The following BLM variants were observed in gnomAD, a reference collection of about 807,000 sequenced individuals.
BLM encodes recQ-like DNA helicase BLM.
Under a neutral mutation model 135.3 loss-of-function variants are expected in BLM, and 95 were observed. The observed-to-expected ratio is 0.70, with a 90% CI of 0.59 to 0.83. The LOEUF (loss-of-function observed/expected upper bound fraction) is 0.83, where lower values mean the gene tolerates loss of function less well. BLM is among the 40% of genes least tolerant of loss of function. The pLI is 0.00. For missense variants in BLM, 1,518 were observed against 1,663.9 expected (o/e 0.91, Z 1.53); for synonymous variants, 520 against 589.2 (o/e 0.88, Z 1.70).
At chr15:90,780,976 A>G (rs981564848) in intron 12 of BLM, among the ~76,000 whole-genome samples, 2 of 152,256 alleles carry the variant, frequency 1.3e-5, no homozygotes, top group Non-Finnish European at 2.9e-5. Context: ...CCTAGAACCA[A>G]TCCCCCATGG....
intron 4 of BLM, 139 bp from the exon 5 acceptor site, chr15:90,754,672 G>A (rs1162539853): frequency 2.3e-5 from 23 of 990,450 alleles, no homozygotes; most frequent in African/African-American, 6.6e-5. Flanking sequence ...TTTTATAATT[G>A]AGGAAATTTA....
Position 90,797,841 on chromosome 15 carries a change from C to T in BLM, c.3211-349C>T, listed in dbSNP as rs1372570418. Reference sequence around the variant, plus strand: ...GGTTAGAATCCGTGGATTTACGTGGCACCCCACAGGTTCCCACCCAGTATG... The same window carrying T: ...GGTTAGAATCCGTGGATTTACGTGGTACCCCACAGGTTCCCACCCAGTATG... On this transcript the variant is annotated intron_variant, in intron 16 of 21. Coordinates refer to ENST00000355112, the MANE Select transcript of BLM (RefSeq NM_000057.4). Among the ~76,000 whole-genome samples, 7 of 152,188 alleles carry T rather than the reference C, an allele frequency of 4.6e-5. No homozygotes were observed. The East Asian group carries it at 9.6e-4, about 21-fold the overall frequency.
chr15:90,805,174 A>G (rs1286932203), intron 19 of BLM, among the ~76,000 whole-genome samples: 1 of 151,880 alleles, frequency 6.6e-6, no homozygotes, highest in Non-Finnish European at 1.5e-5. Context: ...TCTGAAGACC[A>G]TTGAATATTA....
rs1895162816 is a variant in BLM at position 90,734,700 on chromosome 15, G to GC, written c.-4-12689_-4-12688insC. On this transcript the variant is annotated intron_variant, in intron 1 of 21. Coordinates refer to ENST00000355112, the MANE Select transcript of BLM (RefSeq NM_000057.4). ...GCACACACACACACACACACGCAGA[G>GC]AGAGAGAGAGAGAGAGAGAGAGAGA... Among the ~76,000 whole-genome samples, 3 of 56,888 alleles carry GC rather than the reference G, an allele frequency of 5.3e-5. No homozygotes were observed. The African/African-American group carries it at 5.8e-4, about 11-fold the overall frequency. The allele number at this position is 56,888 out of a possible 152,430, so 37.3% of individuals were successfully genotyped here.
At chr15:90,744,636 C>T (rs1321806591) in intron 1 of BLM, among the ~76,000 whole-genome samples, 1 of 152,088 alleles carries the variant, frequency 6.6e-6, no homozygotes, top group South Asian at 2.1e-4. Flanking sequence ...TTCCAAAGTG[C>T]TGGGATTACA....
At chr15:90,759,425 AAAG>A (rs1315630756) in intron 5 of BLM, among the ~76,000 whole-genome samples, 57 of 151,632 alleles carry the variant, frequency 3.8e-4, no homozygotes, top group Admixed American at 2.3e-3. Flanking sequence ...AAAAAAAAAA[AAAG>A]AAGAAGATGT....
At chr15:90,790,918 G>T in intron 15 of BLM, 74 bp downstream of exon 15, 1 of 1,412,102 alleles carries the variant, frequency 7.1e-7, no homozygotes, top group Non-Finnish European at 1.0e-6. Flanking sequence ...TGCTATTGTG[G>T]TACTTCTGGT....
Position 90,766,960 on chromosome 15 carries a change from T to C in BLM, c.2244T>C (p.Asn748=), listed in dbSNP as rs1223636319. 3.7e-6 allele frequency: 6 copies of C among 1,606,454 alleles called. No homozygotes were observed. In the African/African-American group the frequency reaches 6.7e-5, roughly 18 times the overall value. The change falls in exon 10 of 22, where the codon AAT becomes AAC. Residue 748 remains asparagine (N), a synonymous_variant. Coordinates refer to ENST00000355112, the MANE Select transcript of BLM (RefSeq NM_000057.4). ...TGDKTDSEAT[N]IYLQLSKKDP... is the part of the protein sequence containing the mutation. ...ATAAGACTGACTCAGAAGCTACAAA[T>C]ATTTACCTCCAGTTATCAAAAAAAG...
Position 90,749,466 on chromosome 15 carries a change from T to C in BLM, c.198T>C (p.Asn66=), listed in dbSNP as rs1410899563. ...KTPVLRNKDV[N]VTEDFSFSEP... ...CTGTATTAAGAAATAAAGATGTTAA[T>C]GTTACCGAAGACTTTTCCTTCAGTG... The change falls in exon 3 of 22, where the codon AAT becomes AAC. Residue 66 remains asparagine (N), a synonymous_variant. Coordinates refer to ENST00000355112, the MANE Select transcript of BLM (RefSeq NM_000057.4). 1 of 1,613,048 alleles carries C rather than the reference T, an allele frequency of 6.2e-7. No homozygotes were observed. The highest frequency in any genetic ancestry group is 1.3e-5 in the African/African-American group (1 of 75,050).
chr15:90,755,635 T>A (rs1895797836), intron 5 of BLM, among the ~76,000 whole-genome samples: 1 of 152,182 alleles, frequency 6.6e-6, no homozygotes, highest in Non-Finnish European at 1.5e-5. Flanking sequence ...TAGACATTTT[T>A]CTGGCATTAT....
chr15:90,754,674 G>A (rs1895768257), intron 4 of BLM, 137 bp from the exon 5 acceptor site: 1 of 1,024,102 alleles, frequency 9.8e-7, no homozygotes, highest in Non-Finnish European at 1.4e-6. Context: ...TTATAATTGA[G>A]GAAATTTAAA....
At chr15:90,768,900 A>AT (rs1896214675) in intron 10 of BLM, among the ~76,000 whole-genome samples, 3 of 152,022 alleles carry the variant, frequency 2.0e-5, no homozygotes, top group Admixed American at 6.6e-5. Flanking sequence ...CTAATTTTGT[A>AT]TTTTTAGTAA....
Position 90,762,843 on chromosome 15 carries a change from G to C in BLM, c.1883-123G>C, listed in dbSNP as rs1207726937. On this transcript the variant is annotated intron_variant, in intron 7 of 21. Transcript: ENST00000355112. Reference sequence around the variant, plus strand: ...CTTGTAGGGAAGGAAAGCCAGTAAAGAGTTTAAGAACTGTGCTGCAGGGAA... The same window carrying C: ...CTTGTAGGGAAGGAAAGCCAGTAAACAGTTTAAGAACTGTGCTGCAGGGAA... 4 of 902,782 alleles carry C rather than the reference G, an allele frequency of 4.4e-6. No homozygotes were observed. The Admixed American group carries it at 1.1e-4, about 26-fold the overall frequency. 55.9% of individuals were successfully genotyped at this position (902,782 alleles called of 1,614,324 possible).
At chr15:90,813,988 G>A (rs867424248) in intron 21 of BLM, among the ~76,000 whole-genome samples, 15 of 152,312 alleles carry the variant, frequency 9.8e-5, no homozygotes, top group East Asian at 1.9e-4. Context: ...GCTGTTGGCC[G>A]ATTCATTCTG....
At chr15:90,805,097 A>T (rs562388609) in intron 19 of BLM, among the ~76,000 whole-genome samples, 1 of 151,956 alleles carries the variant, frequency 6.6e-6, no homozygotes, top group Admixed American at 6.6e-5. Context: ...CGGCCTCCCA[A>T]AGTGCTGGGA....
chr15:90,793,459 T>A (rs550035509), intron 15 of BLM, among the ~76,000 whole-genome samples: 8 of 152,300 alleles, frequency 5.3e-5, no homozygotes, highest in African/African-American at 1.7e-4. Context: ...TAACAACAGT[T>A]GCTTACTGAT....
chr15:90,745,802 C>A (rs772851282), intron 1 of BLM, among the ~76,000 whole-genome samples: 5 of 150,894 alleles, frequency 3.3e-5, no homozygotes, highest in African/African-American at 9.9e-5. Context: ...CAGCTGGCTA[C>A]GCATGGCTCA....
chr15:90,767,803 G>A (rs1896176299), intron 10 of BLM, among the ~76,000 whole-genome samples: 1 of 152,100 alleles, frequency 6.6e-6, no homozygotes, highest in African/African-American at 2.4e-5. Context: ...TACCCTGCTA[G>A]TGATCAGAAT....
chr15:90,792,181 C>G (rs1896922548), intron 15 of BLM, among the ~76,000 whole-genome samples: 1 of 151,424 alleles, frequency 6.6e-6, no homozygotes, highest in African/African-American at 2.4e-5. Flanking sequence ...TCTCGGCCCA[C>G]TGCAACCTCT....
Sources: gnomAD v4.1 joint callset for allele counts (sites outside exome capture counted in the v4.1 genomes callset) on GRCh38, gnomAD v4.1.1 for gene constraint, MANE v1.5 for transcripts, NCBI Gene and HGNC (gene_info 2026-07-23, HGNC 2026-07-21) for gene names.